The following ZDHHC14 variants were observed in gnomAD, a reference collection of about 807,000 sequenced individuals.
ZDHHC14 encodes the protein zDHHC palmitoyltransferase 14, also known as palmitoyltransferase ZDHHC14.
In ZDHHC14, 16 loss-of-function variants were observed where a neutral mutation model predicts 47.7. That is an observed-to-expected ratio of 0.34 (90% CI 0.23 to 0.51). ZDHHC14 has a LOEUF of 0.51. Among genes scored for constraint, ZDHHC14 ranks in the 20% least tolerant of loss-of-function variants. The pLI, the probability that ZDHHC14 is intolerant of heterozygous loss-of-function variation, is 0.97. For synonymous variants in ZDHHC14, 293 were observed against 278.9 expected (o/e 1.05, Z -0.50); for missense variants, 515 against 662.5 (o/e 0.78, Z 2.44).
At chr6:157,431,880 C>A (rs939655580) in intron 1 of ZDHHC14, among the ~76,000 whole-genome samples, 1 of 151,930 alleles carries the variant, frequency 6.6e-6, no homozygotes, top group Non-Finnish European at 1.5e-5. Context: ...AAGTGTGCAC[C>A]ACCATACCTA....
chr6:157,434,555 G>T (rs987897120), intron 1 of ZDHHC14, among the ~76,000 whole-genome samples: 2 of 151,386 alleles, frequency 1.3e-5, no homozygotes, highest in East Asian at 3.9e-4. Context: ...ATTTTATTTG[G>T]GTCATAAAAA....
rs1170663787 is a variant in ZDHHC14 at position 157,480,682 on chromosome 6, T to A, written c.246-61903T>A. 2.0e-5 allele frequency among the ~76,000 whole-genome samples: 3 copies of A among 152,330 alleles called. No individual in the cohort carries two copies. In the South Asian group the frequency reaches 6.2e-4, roughly 32 times the overall value. On this transcript the variant is annotated intron_variant, in intron 1 of 8. Transcript: ENST00000359775. Reference sequence around the variant, plus strand: ...ATGGCATGCTCTGGATTGGATCAGATGATCATGGTTTTAAGAAAAGCCCAA... The same window carrying A: ...ATGGCATGCTCTGGATTGGATCAGAAGATCATGGTTTTAAGAAAAGCCCAA...
intron 2 of ZDHHC14, among the ~76,000 whole-genome samples, chr6:157,588,937 CT>C (rs1228747577): frequency 1.3e-5 from 2 of 152,150 alleles, no homozygotes; most frequent in African/African-American, 2.4e-5. Context: ...TGGTGGACCA[CT>C]CTTGGAGCAG....
intron 1 of ZDHHC14, among the ~76,000 whole-genome samples, chr6:157,385,192 A>G (rs956684099): frequency 6.6e-6 from 1 of 152,106 alleles, no homozygotes; most frequent in Non-Finnish European, 1.5e-5. Context: ...AGGCTCAAGC[A>G]ATCCTCCCTT....
chr6:157,558,077 T>C (rs985524796), intron 2 of ZDHHC14, among the ~76,000 whole-genome samples: 4 of 152,232 alleles, frequency 2.6e-5, no homozygotes, highest in African/African-American at 7.2e-5. Context: ...GGGAGTATGA[T>C]CATTTGAAAA....
intron 7 of ZDHHC14, among the ~76,000 whole-genome samples, chr6:157,652,278 G>A (rs145623216): frequency 6.6e-6 from 1 of 152,304 alleles, no homozygotes; most frequent in East Asian, 1.9e-4. Context: ...TAACTCCTGT[G>A]TTCCACAGGA....
intron 2 of ZDHHC14, among the ~76,000 whole-genome samples, chr6:157,544,492 A>T (rs1028154536): frequency 5.9e-5 from 9 of 151,990 alleles, no homozygotes; most frequent in African/African-American, 2.2e-4. Flanking sequence ...TACTAAAAAT[A>T]AAAAAAATTG....
At chr6:157,505,889 T>C (rs1780315295) in intron 1 of ZDHHC14, among the ~76,000 whole-genome samples, 1 of 152,246 alleles carries the variant, frequency 6.6e-6, no homozygotes. Context: ...CTTGGTCAGA[T>C]GTAACTGAGT....
chr6:157,394,722 A>C (rs764604269), intron 1 of ZDHHC14, among the ~76,000 whole-genome samples: 8 of 152,328 alleles, frequency 5.3e-5, no homozygotes, highest in Non-Finnish European at 7.4e-5. Flanking sequence ...TGATGGCCAA[A>C]ATAACATCAT....
chr6:157,538,143 G>T (rs1781608133), intron 1 of ZDHHC14, among the ~76,000 whole-genome samples: 1 of 152,176 alleles, frequency 6.6e-6, no homozygotes, highest in Non-Finnish European at 1.5e-5. Flanking sequence ...GAGGCTGGTG[G>T]AACGGGACTG....
chr6:157,659,759 C>T (rs556296840), intron 8 of ZDHHC14, among the ~76,000 whole-genome samples: 9 of 152,336 alleles, frequency 5.9e-5, no homozygotes, highest in South Asian at 2.1e-4. Flanking sequence ...CCAAGCAATC[C>T]GTCGTCTTCC....
intron 1 of ZDHHC14, among the ~76,000 whole-genome samples, chr6:157,391,213 A>G (rs1224821911): frequency 6.6e-6 from 1 of 152,092 alleles, no homozygotes; most frequent in Admixed American, 6.5e-5. Context: ...CAAACAGTGG[A>G]AGATTTCTGT....
At chr6:157,446,085 C>G (rs1172990318) in intron 1 of ZDHHC14, among the ~76,000 whole-genome samples, 5 of 152,148 alleles carry the variant, frequency 3.3e-5, no homozygotes, top group African/African-American at 1.2e-4. Context: ...AAAAATAATT[C>G]AAGGTGACCA....
rs1036912866 is a variant in ZDHHC14 at position 157,427,378 on chromosome 6, G to T, written c.245+45112G>T. On this transcript the variant is annotated intron_variant, in intron 1 of 8. Transcript: ENST00000359775. The surrounding 1 kb of genome is among the most constrained non-coding windows in gnomAD (Gnocchi z 4.4). ...GAAGGGAAAGTGTCTACAGAGATGCGCAGGATGCAGGGCCCCGAGGACTGG... is the reference window on the plus strand; with the variant it reads ...GAAGGGAAAGTGTCTACAGAGATGCTCAGGATGCAGGGCCCCGAGGACTGG... Among the ~76,000 whole-genome samples the T allele has an allele frequency of 6.6e-6, 1 of 152,130 alleles. No homozygotes were observed. The highest frequency in any genetic ancestry group is 2.4e-5 in the African/African-American group (1 of 41,424).
chr6:157,631,138 CT>C (rs1279197126), intron 4 of ZDHHC14: 1 of 151,936 alleles, frequency 6.6e-6, no homozygotes, highest in African/African-American at 2.4e-5. Context: ...CACTCACATG[CT>C]GTCGTGCTCG....
chr6:157,520,725 C>T (rs1314937252), intron 1 of ZDHHC14, among the ~76,000 whole-genome samples: 2 of 152,176 alleles, frequency 1.3e-5, no homozygotes. Flanking sequence ...ATTGAGATAA[C>T]AACCCAGTAG....
chr6:157,537,441 G>GTA (rs1367021393), intron 1 of ZDHHC14, among the ~76,000 whole-genome samples: 2 of 152,236 alleles, frequency 1.3e-5, no homozygotes, highest in East Asian at 3.8e-4. Context: ...TCTTGCTGAT[G>GTA]TATATGATTG....
At chr6:157,497,771 G>T (rs1405222531) in intron 1 of ZDHHC14, among the ~76,000 whole-genome samples, 5 of 152,192 alleles carry the variant, frequency 3.3e-5, no homozygotes, top group Non-Finnish European at 7.3e-5. Flanking sequence ...CAGATGAGGA[G>T]CCTGTATCTC....
chr6:157,457,173 TAAAA>T (rs5881213), intron 1 of ZDHHC14, among the ~76,000 whole-genome samples: 2 of 121,276 alleles, frequency 1.6e-5, no homozygotes, highest in Admixed American at 8.4e-5. Context: ...AAACTCCATC[TAAAA>T]AAAAAAAAAA....
Sources: allele counts gnomAD v4.1 joint callset (sites outside exome capture counted in the v4.1 genomes callset), GRCh38; gene constraint gnomAD v4.1.1; non-coding constraint Gnocchi (gnomAD v3.1); transcripts MANE v1.5; gene names NCBI Gene and HGNC (gene_info 2026-07-23, HGNC 2026-07-21).